Variants in PTPRG observed in about 807,000 individuals in gnomAD.
PTPRG encodes protein tyrosine phosphatase receptor type G.
In PTPRG, 102 loss-of-function variants were observed where a neutral mutation model predicts 165.3. The ratio of observed to expected loss-of-function variants is 0.62; its 90% CI spans 0.53 to 0.73. The LOEUF (loss-of-function observed/expected upper bound fraction) is 0.73, where lower values mean the gene tolerates loss of function less well. Ranked by LOEUF, PTPRG falls within the 30% of genes least tolerant of loss-of-function variation. The probability of loss-of-function intolerance (pLI) is 0.00; values close to 1 mark genes in which losing one functional copy is unlikely to be tolerated. For missense variants in PTPRG, 1,866 were observed against 1,861.4 expected (o/e 1.00, Z -0.05); for synonymous variants, 675 against 669.5 (o/e 1.01, Z -0.13).
intron 2 of PTPRG, among the ~76,000 whole-genome samples, chr3:61,852,242 T>G (rs1300435779): frequency 6.6e-6 from 1 of 152,236 alleles, no homozygotes; most frequent in East Asian, 1.9e-4. Flanking sequence ...ACATTTTTGT[T>G]TGTTTGCTGT....
At chr3:62,198,336 A>C (rs1700018892) in intron 10 of PTPRG, among the ~76,000 whole-genome samples, 1 of 152,182 alleles carries the variant, frequency 6.6e-6, no homozygotes, top group Non-Finnish European at 1.5e-5. Context: ...CTCTGCTACT[A>C]AGCTGAGTTG....
intron 2 of PTPRG, among the ~76,000 whole-genome samples, chr3:61,901,647 C>T (rs1308038139): frequency 1.3e-5 from 2 of 152,122 alleles, no homozygotes; most frequent in African/African-American, 2.4e-5. Context: ...CTGGGCTAAG[C>T]GTTAATAGCA....
chr3:61,827,185 G>A (rs2036138726), intron 2 of PTPRG, among the ~76,000 whole-genome samples: 1 of 152,200 alleles, frequency 6.6e-6, no homozygotes, highest in Non-Finnish European at 1.5e-5. Context: ...GGGAGATGTT[G>A]GGCCTAGTCC....
chr3:62,176,783 C>A (rs947760829), intron 8 of PTPRG, among the ~76,000 whole-genome samples: 1 of 151,710 alleles, frequency 6.6e-6, no homozygotes, highest in African/African-American at 2.4e-5. Flanking sequence ...TAACACAGTA[C>A]CTGGTACATA....
chr3:61,779,997 G>C (rs558928225), intron 2 of PTPRG, among the ~76,000 whole-genome samples: 41 of 152,272 alleles, frequency 2.7e-4, no homozygotes, highest in African/African-American at 9.9e-4. Context: ...CCCAAAGAAA[G>C]TATTGGTACC....
chr3:61,960,235 C>G (rs1311728496), intron 2 of PTPRG, among the ~76,000 whole-genome samples: 1 of 151,940 alleles, frequency 6.6e-6, no homozygotes, highest in Non-Finnish European at 1.5e-5. Flanking sequence ...GATCTCGGTG[C>G]TTGGTATCCA....
At chr3:61,935,260 G>A (rs1335741251) in intron 2 of PTPRG, among the ~76,000 whole-genome samples, 1 of 152,178 alleles carries the variant, frequency 6.6e-6, no homozygotes, top group Non-Finnish European at 1.5e-5. Context: ...TTAAAAGTGT[G>A]ATCTACATAA....
rs564320363 is a variant in PTPRG, at chr3:62,174,840, G to A, written c.1033+6677G>A. Among the ~76,000 whole-genome samples, 8 of 152,332 alleles carry A rather than the reference G, an allele frequency of 5.3e-5. No individual in the cohort carries two copies. The East Asian group carries it at 1.5e-3, about 29-fold the overall frequency. ...AGCTGCCCTCCTAGAAACTCTTGCA[G>A]AAAGTTACCTTGTTACTGCCAGAAA... On this transcript the variant is annotated intron_variant, in intron 8 of 29. Transcript: ENST00000474889.
At chr3:62,043,487 A>G (rs920853033) in intron 4 of PTPRG, among the ~76,000 whole-genome samples, 11 of 152,244 alleles carry the variant, frequency 7.2e-5, no homozygotes, top group African/African-American at 2.7e-4. Flanking sequence ...CGATCAGTTT[A>G]GAGCCCTTCT....
At chr3:61,870,936 G>A (rs989757040) in intron 2 of PTPRG, among the ~76,000 whole-genome samples, 7 of 152,074 alleles carry the variant, frequency 4.6e-5, no homozygotes, top group African/African-American at 1.7e-4. Context: ...ACGGGGTAGA[G>A]TGAGTTACTT....
At chr3:62,093,092 C>T (rs566873447) in intron 5 of PTPRG, among the ~76,000 whole-genome samples, 1 of 152,298 alleles carries the variant, frequency 6.6e-6, no homozygotes, top group Non-Finnish European at 1.5e-5. Context: ...TGTAATTGGT[C>T]CAGGAGATGG....
In PTPRG at chr3:62,275,834, T is replaced by C. The variant is rs200272934; in HGVS notation, c.3466-39T>C. 9.6e-6 allele frequency: 14 copies of C among 1,464,912 alleles called. No homozygotes were observed. In the Admixed American group the frequency reaches 1.8e-4, roughly 19 times the overall value. The allele number at this position is 1,464,912 out of a possible 1,614,324, so 90.7% of individuals were successfully genotyped here. A position where few individuals can be genotyped will look rare whatever the true frequency, so the allele number is the denominator to read the frequency against. ...AGCATCAAGCAAATGCTATCAATTATATCTTTGAATGAAGACTAAAATGTT... is the reference window on the plus strand; with the variant it reads ...AGCATCAAGCAAATGCTATCAATTACATCTTTGAATGAAGACTAAAATGTT... On this transcript the variant is annotated intron_variant, in intron 23 of 29. Transcript: ENST00000474889.
intron 5 of PTPRG, among the ~76,000 whole-genome samples, chr3:62,082,844 C>T (rs764545339): frequency 1.3e-5 from 2 of 152,192 alleles, no homozygotes; most frequent in Non-Finnish European, 2.9e-5. Context: ...AGAAGGTGCG[C>T]TCCCTTCGTA....
Position 61,575,498 on chromosome 3 carries a change from T to C in PTPRG, c.85+13126T>C, listed in dbSNP as rs115144167. On this transcript the variant is annotated intron_variant, in intron 1 of 29. Coordinates refer to ENST00000474889, the MANE Select transcript of PTPRG (RefSeq NM_002841.4). ...ACTTAACTTTATTGGTTTTCTTACC[T>C]TTAAAATGGGGATAATGAGAATTTC... Among the ~76,000 whole-genome samples the C allele has an allele frequency of 6.2e-3, 939 of 152,268 alleles. 12 individuals carry two copies. Among genetic ancestry groups the C allele is most frequent in the African/African-American group, 0.022 (896 of 41,564 alleles).
At chr3:61,610,667 C>T (rs1219615476) in intron 1 of PTPRG, among the ~76,000 whole-genome samples, 2 of 151,972 alleles carry the variant, frequency 1.3e-5, no homozygotes, top group Non-Finnish European at 2.9e-5. Flanking sequence ...TGTTAAGTGA[C>T]CATTCCTTTC....
At chr3:62,012,781 C>G (rs973378) in intron 4 of PTPRG, among the ~76,000 whole-genome samples, 1 of 151,648 alleles carries the variant, frequency 6.6e-6, no homozygotes, top group Non-Finnish European at 1.5e-5. Flanking sequence ...CAATCTGTAT[C>G]GTAGGAAAGA....
rs963535491 is a variant in PTPRG, at chr3:62,233,431, G to C, written c.2375+2120G>C. On this transcript the variant is annotated intron_variant, in intron 14 of 29. Coordinates refer to ENST00000474889, the MANE Select transcript of PTPRG (RefSeq NM_002841.4). This position sits in a 1 kb window ranked among gnomAD's most constrained non-coding sequence, Gnocchi z 4.7. ...TCCATCCTGCTGCTGTTCTATAAAAGGGCTTTGAAAGACAGGGTGCCCCCT... is the reference window on the plus strand; with the variant it reads ...TCCATCCTGCTGCTGTTCTATAAAACGGCTTTGAAAGACAGGGTGCCCCCT... 1.3e-5 allele frequency among the ~76,000 whole-genome samples: 2 copies of C among 152,084 alleles called. No individual in the cohort carries two copies. Among genetic ancestry groups the C allele is most frequent in the African/African-American group, 2.4e-5 (1 of 41,404 alleles).
intron 4 of PTPRG, among the ~76,000 whole-genome samples, chr3:62,052,726 C>G (rs887854499): frequency 5.3e-5 from 8 of 151,940 alleles, no homozygotes; most frequent in Non-Finnish European, 5.9e-5. Context: ...AATGGCCTGT[C>G]TTTGGAACTC....
At chr3:62,282,621 G>T in intron 27 of PTPRG, 106 bp from the exon 28 acceptor site, 1 of 1,097,340 alleles carries the variant, frequency 9.1e-7, no homozygotes, top group South Asian at 2.2e-5. Flanking sequence ...CAACATTGTT[G>T]AGAGTTACCT....
Sources: allele counts gnomAD v4.1 joint callset (sites outside exome capture counted in the v4.1 genomes callset), GRCh38; gene constraint gnomAD v4.1.1; non-coding constraint Gnocchi (gnomAD v3.1); transcripts MANE v1.5; gene names NCBI Gene and HGNC (gene_info 2026-07-23, HGNC 2026-07-21).